The following RECQL variants were observed in gnomAD, a reference collection of about 807,000 sequenced individuals.
The protein encoded by RECQL is ATP-dependent DNA helicase Q1.
A neutral mutation model predicts 75.8 loss-of-function variants in RECQL; 73 were observed. The observed-to-expected ratio is 0.96, with a 90% CI of 0.80 to 1.17. The LOEUF is 1.17. Among genes scored for constraint, RECQL ranks in the 50% most tolerant of loss-of-function variants. The pLI is 0.00. For missense variants in RECQL, 699 were observed against 772.1 expected (o/e 0.91, Z 1.12); for synonymous variants, 248 against 254.4 (o/e 0.97, Z 0.24).
At chr12:21,472,081 A>C (rs1046808768) in intron 12 of RECQL, among the ~76,000 whole-genome samples, 10 of 152,084 alleles carry the variant, frequency 6.6e-5, no homozygotes, top group African/African-American at 2.4e-4. Flanking sequence ...TGATTTATAT[A>C]TAACACTCTT....
chr12:21,493,674 C>T (rs1943453598), intron 2 of RECQL, among the ~76,000 whole-genome samples: 1 of 152,124 alleles, frequency 6.6e-6, no homozygotes, highest in Non-Finnish European at 1.5e-5. Context: ...AGCAGGTTAC[C>T]TTAAACCACT....
At chr12:21,480,352 T>C (rs1185993283) in intron 6 of RECQL, among the ~76,000 whole-genome samples, 1 of 152,138 alleles carries the variant, frequency 6.6e-6, no homozygotes, top group Admixed American at 6.5e-5. Context: ...AAAGACTACT[T>C]AGGAAGCTGC....
chr12:21,495,724 T>G (rs971411011), intron 2 of RECQL, among the ~76,000 whole-genome samples: 14 of 152,288 alleles, frequency 9.2e-5, no homozygotes, highest in African/African-American at 3.1e-4. Context: ...TCGACTTAAG[T>G]GAGGTGATCA....
intron 5 of RECQL, among the ~76,000 whole-genome samples, chr12:21,484,462 C>A (rs1031364394): frequency 6.6e-5 from 10 of 152,078 alleles, no homozygotes; most frequent in African/African-American, 2.4e-4. Context: ...TATTAGAAGG[C>A]AGTTTTCTCC....
intron 4 of RECQL, among the ~76,000 whole-genome samples, chr12:21,489,273 T>C (rs1445248913): frequency 1.3e-5 from 2 of 152,350 alleles, no homozygotes; most frequent in African/African-American, 4.8e-5. Flanking sequence ...GCTGCTTTTG[T>C]GCTACAATGG....
At chr12:21,472,036 C>CGG (rs1381168112) in intron 12 of RECQL, among the ~76,000 whole-genome samples, 1 of 151,978 alleles carries the variant, frequency 6.6e-6, no homozygotes, top group Admixed American at 6.6e-5. Flanking sequence ...AGAATGTCCT[C>CGG]AACTGATAAC....
intron 12 of RECQL, among the ~76,000 whole-genome samples, chr12:21,472,186 G>C (rs1942985220): frequency 6.6e-6 from 1 of 151,742 alleles, no homozygotes; most frequent in Non-Finnish European, 1.5e-5. Context: ...TCAGAACTCA[G>C]TAAGGTCTTA....
chr12:21,483,149 C>A (rs1465762748), intron 6 of RECQL, among the ~76,000 whole-genome samples: 1 of 152,178 alleles, frequency 6.6e-6, no homozygotes, highest in East Asian at 1.9e-4. Context: ...GCCTCTCAGT[C>A]CTCCTCATAA....
chr12:21,477,991 C>T (rs1304813323), intron 6 of RECQL, 22 bp from the exon 7 acceptor site: 2 of 1,587,388 alleles, frequency 1.3e-6, no homozygotes, highest in Admixed American at 1.8e-5. Flanking sequence ...AACAAAGTGG[C>T]CCTTTTTCTA....
intron 6 of RECQL, among the ~76,000 whole-genome samples, chr12:21,479,321 T>C (rs1943147632): frequency 6.6e-6 from 1 of 151,760 alleles, no homozygotes; most frequent in Non-Finnish European, 1.5e-5. Flanking sequence ...TGAGACTTTA[T>C]CCTACAGGAA....
chr12:21,480,136 A>G (rs2137360421), intron 6 of RECQL, among the ~76,000 whole-genome samples: 1 of 152,320 alleles, frequency 6.6e-6, no homozygotes, highest in African/African-American at 2.4e-5. Context: ...GGGCTTAAGA[A>G]GAGAGGAAGA....
rs1942968689 is a variant in RECQL, at chr12:21,471,648, C to T, written c.1448-1G>A. ...TCTGTTATGTTCTTTCTTTCAAATG[C>T]TGTAATAAAACAAATATGGTAGCAG... On this transcript the variant is annotated splice_acceptor_variant, in intron 12 of 14. Transcript: ENST00000444129. LOFTEE classifies it high-confidence loss of function. 2 of 1,609,016 alleles carry T rather than the reference C, an allele frequency of 1.2e-6. No individual in the cohort carries two copies. Among genetic ancestry groups the T allele is most frequent in the South Asian group, 1.1e-5 (1 of 90,948 alleles).
At chr12:21,485,330 G>GAAAAAA (rs58749568) in intron 5 of RECQL, among the ~76,000 whole-genome samples, 1 of 128,582 alleles carries the variant, frequency 7.8e-6, no homozygotes, top group Non-Finnish European at 1.6e-5. Context: ...CCCCAGAACT[G>GAAAAAA]AAAAAAAAAA....
At chr12:21,497,737 A>G (rs1267863687) in intron 2 of RECQL, among the ~76,000 whole-genome samples, 2 of 152,194 alleles carry the variant, frequency 1.3e-5, no homozygotes, top group East Asian at 3.8e-4. Flanking sequence ...CATTGACCAC[A>G]CTTGTCCTTG....
Position 21,483,564 on chromosome 12 carries a change from T to G in RECQL, c.512A>C (p.Lys171Thr), listed in dbSNP as rs1348992388. The G allele has an allele frequency of 6.4e-7, 1 of 1,573,730 alleles. No individual in the cohort carries two copies. Among genetic ancestry groups the G allele is most frequent in the Admixed American group, 2.1e-5 (1 of 47,608 alleles). Reference protein sequence around the residue: ...LNASSSKEHVKWVHAEMVNKN... With the variant: ...LNASSSKEHVTWVHAEMVNKN... ...ATTTACCATTTCAGCATGAACCCAT[T>G]TAACATGCTCCTATTAAAAGAAAAA... Residue 171 changes from lysine to threonine, a missense_variant, in exon 6 of 15, where the codon AAA becomes ACA. Lys to Thr is a moderately conservative substitution (Grantham distance 78, BLOSUM62 -1). Around this residue, in one of 2 missense-constraint regions of RECQL, gnomAD observed 669 missense variants for 713.5 expected, o/e 0.94. Coordinates refer to ENST00000444129, the MANE Select transcript of RECQL (RefSeq NM_002907.4).
intron 2 of RECQL, among the ~76,000 whole-genome samples, chr12:21,495,718 C>G (rs1943495434): frequency 6.6e-6 from 1 of 152,178 alleles, no homozygotes; most frequent in African/African-American, 2.4e-5. Context: ...ATAGACTCGA[C>G]TTAAGTGAGG....
chr12:21,475,844 T>C lies in RECQL; in HGVS notation c.950-20A>G, dbSNP rs1386101682. The C allele has an allele frequency of 6.3e-7, 1 of 1,595,854 alleles. No individual in the cohort carries two copies. The highest frequency in any genetic ancestry group is 8.6e-7 in the Non-Finnish European group (1 of 1,165,936). ...TGATTCCTGCAGTAAAATATGTGCATTTGTTAGATAGATATGGCATATTCC... is the reference window on the plus strand; with the variant it reads ...TGATTCCTGCAGTAAAATATGTGCACTTGTTAGATAGATATGGCATATTCC... On this transcript the variant is annotated intron_variant, in intron 8 of 14. Transcript: ENST00000444129.
rs865938185 is a variant in RECQL at position 21,501,625 on chromosome 12, A to G, written c.-501T>C. 3 of 425,454 alleles carry G rather than the reference A, an allele frequency of 7.1e-6. No individual in the cohort carries two copies. The highest frequency in any genetic ancestry group is 1.3e-5 in the Non-Finnish European group (3 of 234,214). 26.4% of individuals were successfully genotyped at this position (425,454 alleles called of 1,614,324 possible). A position where few individuals can be genotyped will look rare whatever the true frequency, so the allele number is the denominator to read the frequency against. The stretch of plus-strand genomic sequence containing the variant: ...GTAAAATCTTCCCGCCAGCCAGCTG[A>G]GAGCATCCACCCTTCCGGGTCGGTC... On this transcript the variant is annotated 5_prime_UTR_variant, in exon 1 of 15. Coordinates refer to ENST00000444129, the MANE Select transcript of RECQL (RefSeq NM_002907.4).
chr12:21,476,594 T>G (rs1943090910), intron 8 of RECQL, among the ~76,000 whole-genome samples: 1 of 152,142 alleles, frequency 6.6e-6, no homozygotes, highest in African/African-American at 2.4e-5. Context: ...CTTAATCCAC[T>G]ATTTTGTACA....
Sources: allele counts gnomAD v4.1 joint callset (sites outside exome capture counted in the v4.1 genomes callset), GRCh38; gene constraint gnomAD v4.1.1; regional missense constraint gnomAD v4.1.1; transcripts MANE v1.5; gene names NCBI Gene and HGNC (gene_info 2026-07-23, HGNC 2026-07-21).